DCC: variants seen among roughly 807,000 people sequenced by gnomAD.
DCC encodes the protein netrin receptor DCC.
Under a neutral mutation model 172.5 loss-of-function variants are expected in DCC, and 58 were observed. The ratio of observed to expected loss-of-function variants is 0.34; its 90% confidence interval spans 0.27 to 0.42. The LOEUF is 0.42. Ranked by LOEUF, DCC falls within the 10% of genes least tolerant of loss-of-function variation. DCC has a pLI of 1.00. For synonymous variants in DCC, 709 were observed against 644.5 expected (o/e 1.10, Z -1.52); for missense variants, 1,740 against 1,791.0 (o/e 0.97, Z 0.51).
intron 12 of DCC, 84 bp downstream of exon 12, chr18:53,215,681 G>T: frequency 9.0e-7 from 1 of 1,116,890 alleles, no homozygotes; most frequent in South Asian, 1.2e-5. Context: ...CTGCTGTCTT[G>T]AGTACAGGAT....
chr18:52,517,448 T>G (rs185465101), intron 1 of DCC, among the ~76,000 whole-genome samples: 30 of 152,330 alleles, frequency 2.0e-4, no homozygotes, highest in Non-Finnish European at 2.6e-4. Context: ...GCTACAGGCC[T>G]TCTGTATCTT....
At chr18:53,000,647 A>G (rs1379305283) in intron 5 of DCC, among the ~76,000 whole-genome samples, 1 of 144,608 alleles carries the variant, frequency 6.9e-6, no homozygotes, top group Non-Finnish European at 1.5e-5. Flanking sequence ...AGTCAGGGAC[A>G]GGAACTCAGT....
At chr18:53,005,386 G>A (rs187807833) in intron 5 of DCC, among the ~76,000 whole-genome samples, 5 of 152,158 alleles carry the variant, frequency 3.3e-5, no homozygotes, top group South Asian at 2.1e-4. Context: ...TGGATATTAC[G>A]TCAGGTAACA....
chr18:53,033,814 A>T (rs2042056997), intron 5 of DCC, among the ~76,000 whole-genome samples: 1 of 152,094 alleles, frequency 6.6e-6, no homozygotes, highest in African/African-American at 2.4e-5. Context: ...AGTCTTATAC[A>T]GTCTGTCTTC....
intron 12 of DCC, among the ~76,000 whole-genome samples, chr18:53,235,695 T>A (rs979972614): frequency 2.6e-5 from 4 of 152,118 alleles, no homozygotes; most frequent in African/African-American, 9.7e-5. Flanking sequence ...ATTCATAGTT[T>A]TGTAACCATC....
chr18:53,216,383 T>C (rs375015216), intron 12 of DCC, among the ~76,000 whole-genome samples: 2 of 152,186 alleles, frequency 1.3e-5, no homozygotes, highest in East Asian at 3.8e-4. Flanking sequence ...TTCTAAGCTC[T>C]GGGAGACAGC....
intron 13 of DCC, among the ~76,000 whole-genome samples, chr18:53,319,186 A>G (rs1360371823): frequency 6.6e-6 from 1 of 152,218 alleles, no homozygotes; most frequent in African/African-American, 2.4e-5. Flanking sequence ...CATTGACACC[A>G]TGAAGAAACT....
chr18:53,175,843 G>A (rs1453997412), intron 8 of DCC, among the ~76,000 whole-genome samples: 1 of 151,968 alleles, frequency 6.6e-6, no homozygotes, highest in African/African-American at 2.4e-5. Context: ...AGTTCATATG[G>A]AACCAAAAAA....
chr18:52,913,047 T>A lies in DCC; in HGVS notation c.697+6719T>A, dbSNP rs374874854. ...CAAAAGAAGATAGGATACCTTTTAT[T>A]GTGTACAACTAAGTTCCACGTCATT... On this transcript the variant is annotated intron_variant, in intron 3 of 28. Coordinates refer to ENST00000442544, the MANE Select transcript of DCC (RefSeq NM_005215.4). Among the ~76,000 whole-genome samples the A allele has an allele frequency of 1.4e-4, 21 of 152,202 alleles. No homozygotes were observed. In the South Asian group the frequency reaches 3.9e-3, roughly 29 times the overall value.
intron 5 of DCC, among the ~76,000 whole-genome samples, chr18:53,042,247 C>T (rs2042178825): frequency 6.6e-6 from 1 of 151,954 alleles, no homozygotes; most frequent in African/African-American, 2.4e-5. Flanking sequence ...GCCTTTTCAG[C>T]ATCTATTGAG....
intron 1 of DCC, among the ~76,000 whole-genome samples, chr18:52,367,110 G>C (rs984094402): frequency 2.0e-5 from 3 of 152,208 alleles, no homozygotes; most frequent in African/African-American, 7.2e-5. Flanking sequence ...TGGCACTGCT[G>C]GGGGACCCAG....
At position 52,745,508 on chromosome 18, in the gene DCC, A is replaced by G. The variant is rs746431648; in HGVS notation, c.92-6546A>G. ...ATTTTAATATGTATTTTTATTTTTAATTGGCACACAATAGTTGTACACATT... is the reference window on the plus strand; with the variant it reads ...ATTTTAATATGTATTTTTATTTTTAGTTGGCACACAATAGTTGTACACATT... On this transcript the variant is annotated intron_variant, in intron 1 of 28. Transcript: ENST00000442544. Among the ~76,000 whole-genome samples the G allele has an allele frequency of 2.0e-5, 3 of 152,138 alleles. No individual in the cohort carries two copies. The South Asian group carries it at 6.2e-4, about 31-fold the overall frequency.
intron 9 of DCC, among the ~76,000 whole-genome samples, chr18:53,204,414 G>C (rs1348233111): frequency 6.6e-6 from 1 of 151,982 alleles, no homozygotes; most frequent in African/African-American, 2.4e-5. Context: ...GGTCATGATG[G>C]TGCATGCTTG....
Position 52,925,384 on chromosome 18 carries a change from T to C in DCC, c.985+14T>C. The C allele has an allele frequency of 6.2e-7, 1 of 1,611,090 alleles. No homozygotes were observed. Among genetic ancestry groups the C allele is most frequent in the Admixed American group, 1.7e-5 (1 of 59,908 alleles). ...TCACAGTCTTGGGTAAGTTAGTGGC[T>C]GGAGATGAGTTTATATTGTACCTTT... On this transcript the variant is annotated intron_variant, in intron 5 of 28. Transcript: ENST00000442544.
intron 14 of DCC, among the ~76,000 whole-genome samples, chr18:53,338,024 C>T (rs2057611456): frequency 6.6e-6 from 1 of 152,154 alleles, no homozygotes; most frequent in South Asian, 2.1e-4. Context: ...TATTAATTGC[C>T]AAGAACTGTG....
At chr18:53,463,517 G>A (rs978404142) in intron 24 of DCC, among the ~76,000 whole-genome samples, 1 of 151,986 alleles carries the variant, frequency 6.6e-6, no homozygotes, top group Non-Finnish European at 1.5e-5. Context: ...TTAACAATGG[G>A]GTTCCTGAGT....
chr18:53,106,015 G>A (rs1375664052), intron 7 of DCC, among the ~76,000 whole-genome samples: 1 of 151,356 alleles, frequency 6.6e-6, no homozygotes, highest in Non-Finnish European at 1.5e-5. Flanking sequence ...CCCTAGCTTG[G>A]CTTTACTCGA....
intron 1 of DCC, among the ~76,000 whole-genome samples, chr18:52,382,831 G>A (rs1033130323): frequency 5.3e-5 from 8 of 151,972 alleles, no homozygotes; most frequent in Admixed American, 2.6e-4. Flanking sequence ...GTAATACTCA[G>A]GTGCCTGTGT....
chr18:52,453,730 T>A (rs1346920683), intron 1 of DCC, among the ~76,000 whole-genome samples: 1 of 152,170 alleles, frequency 6.6e-6, no homozygotes, highest in Non-Finnish European at 1.5e-5. Context: ...CATACGAGAT[T>A]TTTTTCCTCT....
Sources: gnomAD v4.1 joint callset for allele counts (sites outside exome capture counted in the v4.1 genomes callset) on GRCh38, gnomAD v4.1.1 for gene constraint, MANE v1.5 for transcripts, NCBI Gene and HGNC (gene_info 2026-07-23, HGNC 2026-07-21) for gene names.